Variants in PFKP observed in about 807,000 individuals in gnomAD.
The protein encoded by PFKP is ATP-dependent 6-phosphofructokinase, platelet type.
In PFKP, 101 loss-of-function variants were observed where a neutral mutation model predicts 94.3. The observed-to-expected ratio is 1.07, with a 90% CI of 0.91 to 1.26. PFKP has a LOEUF of 1.26. Ranked by LOEUF, PFKP falls within the 50% of genes most tolerant of loss-of-function variation. PFKP has a pLI of 0.00. For synonymous variants in PFKP, 573 were observed against 432.6 expected (o/e 1.32, Z -4.03); for missense variants, 1,145 against 1,103.3 (o/e 1.04, Z -0.53).
chr10:3,082,185 C>G (rs138034139), intron 1 of PFKP, among the ~76,000 whole-genome samples: 11 of 152,100 alleles, frequency 7.2e-5, no homozygotes, highest in Non-Finnish European at 1.3e-4. Context: ...AGAAAGTAGC[C>G]TGGGCATGGG....
At chr10:3,132,509 G>C in intron 18 of PFKP, 68 bp downstream of exon 18, 1 of 1,141,410 alleles carries the variant, frequency 8.8e-7, no homozygotes, top group Non-Finnish European at 1.3e-6. Flanking sequence ...ATTCTAGTCT[G>C]TGACTTGGGC....
At chr10:3,128,337 G>A (rs576340897) in intron 16 of PFKP, among the ~76,000 whole-genome samples, 12 of 152,316 alleles carry the variant, frequency 7.9e-5, no homozygotes, top group Non-Finnish European at 1.2e-4. Flanking sequence ...AGAGGACATG[G>A]GGTGGCTCCG....
chr10:3,088,730 A>G (rs1387958910), intron 2 of PFKP, among the ~76,000 whole-genome samples: 1 of 152,158 alleles, frequency 6.6e-6, no homozygotes, highest in East Asian at 1.9e-4. Context: ...TTGAAGTAAA[A>G]TATGCATATA....
chr10:3,079,660 G>GC (rs1564266528), intron 1 of PFKP, among the ~76,000 whole-genome samples: 1 of 65,824 alleles, frequency 1.5e-5, no homozygotes, highest in Non-Finnish European at 3.6e-5. Flanking sequence ...CAGAGAGCGG[G>GC]GTGGGGGGGG....
chr10:3,099,870 G>A (rs972017535), intron 3 of PFKP, among the ~76,000 whole-genome samples: 3 of 151,980 alleles, frequency 2.0e-5, no homozygotes, highest in African/African-American at 7.3e-5. Flanking sequence ...TGTATGTGGT[G>A]TGTGAATCTC....
intron 16 of PFKP, among the ~76,000 whole-genome samples, chr10:3,127,901 C>T (rs1193850335): frequency 6.6e-6 from 1 of 152,226 alleles, no homozygotes; most frequent in Non-Finnish European, 1.5e-5. Context: ...ATCAAGCCTG[C>T]ATTTATTAAT....
In PFKP at chr10:3,133,255, T is replaced by G; in HGVS notation, c.1963T>G (p.Ser655Ala). Residue 655 changes from serine (S) to alanine (A), a missense_variant, in exon 19 of 22, where the codon TCA becomes GCA. By Grantham distance (99) the Ser-to-Ala change is moderately conservative (BLOSUM62 1). Transcript: ENST00000381125. ...CACCGACTTCATTTACCAGCTGTAT[T>G]CAGAAGAGGGCAAAGGCGTGTTTGA... ...YTTDFIYQLYSEEGKGVFDCR... is the reference protein window; with the variant it reads ...YTTDFIYQLYAEEGKGVFDCR... 1 of 1,614,140 alleles carries G rather than the reference T, an allele frequency of 6.2e-7. No homozygotes were observed. Among genetic ancestry groups the G allele is most frequent in the Non-Finnish European group, 8.5e-7 (1 of 1,179,994 alleles).
chr10:3,136,338 C>G (rs1564366421), intron 21 of PFKP, 112 bp from the exon 22 acceptor site: 2 of 1,061,378 alleles, frequency 1.9e-6, no homozygotes, highest in Non-Finnish European at 1.4e-6. Flanking sequence ...GTTGATTCAG[C>G]CGACCCTACA....
At chr10:3,105,810 C>A (rs1259913685) in intron 7 of PFKP, among the ~76,000 whole-genome samples, 1 of 152,160 alleles carries the variant, frequency 6.6e-6, no homozygotes, top group East Asian at 1.9e-4. Flanking sequence ...CTCCACACAG[C>A]CACCCCTATC....
intron 15 of PFKP, 83 bp downstream of exon 15, chr10:3,118,952 A>C: frequency 9.9e-7 from 1 of 1,011,718 alleles, no homozygotes; most frequent in Non-Finnish European, 1.5e-6. Context: ...CTTGTTGGCT[A>C]CTGGCCACGA....
Position 3,068,118 on chromosome 10 carries a change from G to A in PFKP, c.112+411G>A, listed in dbSNP as rs532427096. ...TCGTTCTGCCTCTGAGCTGTAGGAC[G>A]GGGCCGGGCGTCCCCTCCGAAGCGT... On this transcript the variant is annotated intron_variant, in intron 1 of 21. Coordinates refer to ENST00000381125, the MANE Select transcript of PFKP (RefSeq NM_002627.5). Among the ~76,000 whole-genome samples, 8 of 152,294 alleles carry A rather than the reference G, an allele frequency of 5.3e-5. No individual in the cohort carries two copies. The South Asian group carries it at 1.7e-3, about 32-fold the overall frequency.
chr10:3,129,999 G>A lies in PFKP; in HGVS notation c.1848+16G>A. On this transcript the variant is annotated intron_variant, in intron 17 of 21. Transcript: ENST00000381125. The stretch of plus-strand genomic sequence containing the variant: ...GGATCTGCAGGTATGTGACGGGGCT[G>A]GCCTCAGGGCCCGTCCCCTTGGGAT... 1 of 1,554,314 alleles carries A rather than the reference G, an allele frequency of 6.4e-7. No individual in the cohort carries two copies. Among genetic ancestry groups the A allele is most frequent in the Non-Finnish European group, 8.7e-7 (1 of 1,146,434 alleles).
At chr10:3,088,707 A>T (rs973962546) in intron 2 of PFKP, among the ~76,000 whole-genome samples, 16 of 152,246 alleles carry the variant, frequency 1.1e-4, no homozygotes, top group Middle Eastern at 3.4e-3. Context: ...TGATTTTTTT[A>T]AAATTTATTT....
intron 2 of PFKP, among the ~76,000 whole-genome samples, chr10:3,095,908 T>G (rs1001201272): frequency 4.6e-5 from 7 of 152,182 alleles, no homozygotes; most frequent in Non-Finnish European, 7.3e-5. Flanking sequence ...ACGCATGCAC[T>G]AGACAGGGAG....
At chr10:3,071,432 T>TG (rs1832177215) in intron 1 of PFKP, among the ~76,000 whole-genome samples, 1 of 64,702 alleles carries the variant, frequency 1.5e-5, no homozygotes, top group East Asian at 6.8e-4. Context: ...AGGCTGTTTT[T>TG]TTTTTTTTTT....
chr10:3,075,799 G>T (rs1430499022), intron 1 of PFKP, among the ~76,000 whole-genome samples: 1 of 150,734 alleles, frequency 6.6e-6, no homozygotes, highest in Non-Finnish European at 1.5e-5. Context: ...CAGCCCCGTG[G>T]GAGATTGAGG....
chr10:3,133,813 TAAGGG>T (rs917976259), intron 19 of PFKP, among the ~76,000 whole-genome samples: 1 of 152,234 alleles, frequency 6.6e-6, no homozygotes, highest in Non-Finnish European at 1.5e-5. Context: ...ATGGGGATTT[TAAGGG>T]AACTGTCAGC....
At chr10:3,082,491 CCTT>C (rs1833162711) in intron 2 of PFKP, 30 bp downstream of exon 2, 1 of 1,523,124 alleles carries the variant, frequency 6.6e-7, no homozygotes, top group African/African-American at 1.4e-5. Context: ...CCCCTGTCGC[CCTT>C]CTTCCACCTG....
In PFKP at chr10:3,117,990, G is replaced by T. The variant is rs541765713; in HGVS notation, c.1443-792G>T. On this transcript the variant is annotated intron_variant, in intron 14 of 21. Coordinates refer to ENST00000381125, the MANE Select transcript of PFKP (RefSeq NM_002627.5). ...GTACTTCACTTCTTCCAATCAACAT[G>T]AAACCTTTGGATGGGCTTGGGATGG... Among the ~76,000 whole-genome samples, 12 of 152,292 alleles carry T rather than the reference G, an allele frequency of 7.9e-5. No homozygotes were observed. The South Asian group carries it at 2.5e-3, about 32-fold the overall frequency.
Sources: allele counts gnomAD v4.1 joint callset (sites outside exome capture counted in the v4.1 genomes callset), GRCh38; gene constraint gnomAD v4.1.1; transcripts MANE v1.5; gene names NCBI Gene and HGNC (gene_info 2026-07-23, HGNC 2026-07-21).